Variants in EHBP1 observed in about 807,000 individuals in gnomAD.
EHBP1 encodes EH domain-binding protein 1.
In EHBP1, 55 loss-of-function variants were observed where a neutral mutation model predicts 144.0. That is an observed-to-expected ratio of 0.38 (90% confidence interval 0.31 to 0.48). EHBP1 has a LOEUF of 0.48. EHBP1 is among the 20% of genes least tolerant of loss of function. The pLI, the probability that EHBP1 is intolerant of heterozygous loss-of-function variation, is 0.98. For missense variants in EHBP1, 1,200 were observed against 1,364.2 expected (o/e 0.88, Z 1.90); for synonymous variants, 469 against 472.7 (o/e 0.99, Z 0.10).
intron 10 of EHBP1, among the ~76,000 whole-genome samples, chr2:62,905,941 T>C (rs894992519): frequency 6.6e-6 from 1 of 152,134 alleles, no homozygotes; most frequent in African/African-American, 2.4e-5. Flanking sequence ...ACAGTGGTGA[T>C]AGTAGAGATG....
intron 5 of EHBP1, among the ~76,000 whole-genome samples, chr2:62,776,456 G>A (rs1187614270): frequency 6.6e-6 from 1 of 152,146 alleles, no homozygotes; most frequent in Admixed American, 6.6e-5. Flanking sequence ...TTTTTATAAT[G>A]TTCCTTTCTA....
At chr2:62,842,736 A>G (rs1485921071) in intron 7 of EHBP1, among the ~76,000 whole-genome samples, 3 of 152,180 alleles carry the variant, frequency 2.0e-5, no homozygotes, top group Non-Finnish European at 4.4e-5. Flanking sequence ...ATGGTGTATT[A>G]TTTATAGATG....
chr2:62,782,559 TCA>T, intron 5 of EHBP1, among the ~76,000 whole-genome samples: 1 of 152,090 alleles, frequency 6.6e-6, no homozygotes. Flanking sequence ...TGGGGAGGCC[TCA>T]GGAAACTTAC....
chr2:62,817,460 A>G (rs989844719), intron 5 of EHBP1, among the ~76,000 whole-genome samples: 1 of 152,204 alleles, frequency 6.6e-6, no homozygotes, highest in African/African-American at 2.4e-5. Context: ...TGGGGCAGAA[A>G]AAAAGATGGA....
chr2:62,737,070 T>C (rs2038207593), intron 2 of EHBP1, among the ~76,000 whole-genome samples: 1 of 152,116 alleles, frequency 6.6e-6, no homozygotes. Flanking sequence ...AAGTGCTTTG[T>C]TTAGCGCTTA....
intron 10 of EHBP1, among the ~76,000 whole-genome samples, chr2:62,906,419 G>A (rs532891615): frequency 2.6e-5 from 4 of 152,096 alleles, no homozygotes; most frequent in South Asian, 4.2e-4. Flanking sequence ...AAGTTATCTT[G>A]GCTATTTTAG....
At chr2:63,006,567 A>G (rs2060044333) in intron 19 of EHBP1, among the ~76,000 whole-genome samples, 1 of 151,946 alleles carries the variant, frequency 6.6e-6, no homozygotes, top group Non-Finnish European at 1.5e-5. Flanking sequence ...CTTAAACGTG[A>G]TATATTTTTT....
intron 21 of EHBP1, among the ~76,000 whole-genome samples, chr2:63,040,000 C>T (rs2061593095): frequency 1.3e-5 from 2 of 151,906 alleles, no homozygotes; most frequent in Non-Finnish European, 2.9e-5. Flanking sequence ...TTAAGAAGTT[C>T]TGTGAAACGT....
At chr2:62,819,549 G>A (rs551207641) in intron 5 of EHBP1, among the ~76,000 whole-genome samples, 1 of 151,948 alleles carries the variant, frequency 6.6e-6, no homozygotes, top group South Asian at 2.1e-4. Context: ...TGAGGTTGGG[G>A]GTGTGGGAGT....
At chr2:62,827,261 G>A (rs1456684415) in intron 6 of EHBP1, among the ~76,000 whole-genome samples, 2 of 152,192 alleles carry the variant, frequency 1.3e-5, no homozygotes, top group African/African-American at 2.4e-5. Context: ...AGCCAGTGTG[G>A]TAGAGAGACA....
intron 6 of EHBP1, among the ~76,000 whole-genome samples, chr2:62,828,377 T>C (rs2046498800): frequency 4.6e-5 from 7 of 152,212 alleles, no homozygotes; most frequent in Admixed American, 4.6e-4. Context: ...ATAAATGATT[T>C]GACTTTGAGT....
intron 4 of EHBP1, among the ~76,000 whole-genome samples, chr2:62,770,268 T>G (rs2152352386): frequency 1.3e-5 from 2 of 152,250 alleles, no homozygotes; most frequent in South Asian, 2.1e-4. Context: ...AAACTGTGCA[T>G]CTGACAAAGG....
At chr2:62,852,071 T>A (rs2048724515) in intron 7 of EHBP1, among the ~76,000 whole-genome samples, 2 of 152,280 alleles carry the variant, frequency 1.3e-5, no homozygotes, top group African/African-American at 4.8e-5. Flanking sequence ...ACAATATTAA[T>A]GTTTTGAAGG....
chr2:62,804,767 G>A (rs557549203), intron 5 of EHBP1, among the ~76,000 whole-genome samples: 1 of 152,156 alleles, frequency 6.6e-6, no homozygotes, highest in Non-Finnish European at 1.5e-5. Flanking sequence ...GGAGGTGAGT[G>A]GTGGGCAAGC....
intron 5 of EHBP1, among the ~76,000 whole-genome samples, chr2:62,788,754 A>G (rs544934979): frequency 3.9e-5 from 6 of 152,296 alleles, no homozygotes; most frequent in Admixed American, 2.6e-4. Flanking sequence ...ACAGAAACCT[A>G]TATTTAATTT....
At chr2:62,834,582 T>TA (rs1376211181) in intron 7 of EHBP1, among the ~76,000 whole-genome samples, 2 of 152,244 alleles carry the variant, frequency 1.3e-5, no homozygotes, top group Admixed American at 6.5e-5. Context: ...GACTATAGTA[T>TA]AAACGTAACT....
chr2:62,971,248 A>C (rs771258255), intron 14 of EHBP1, among the ~76,000 whole-genome samples: 2 of 152,210 alleles, frequency 1.3e-5, no homozygotes, highest in Non-Finnish European at 2.9e-5. Flanking sequence ...TTGCACCATA[A>C]CAGGACTTTT....
chr2:63,015,088 T>C (rs936585365), intron 19 of EHBP1, among the ~76,000 whole-genome samples: 10 of 152,244 alleles, frequency 6.6e-5, no homozygotes, highest in African/African-American at 2.2e-4. Flanking sequence ...GAATTTTATA[T>C]GAGGAAAAAT....
chr2:62,684,465 A>G (rs1303650921), intron 1 of EHBP1, among the ~76,000 whole-genome samples: 1 of 152,216 alleles, frequency 6.6e-6, no homozygotes, highest in African/African-American at 2.4e-5. Flanking sequence ...GAAGGGAAAA[A>G]GCCAAAGTGG....
Sources: gnomAD v4.1 joint callset for allele counts (sites outside exome capture counted in the v4.1 genomes callset) on GRCh38, gnomAD v4.1.1 for gene constraint, MANE v1.5 for transcripts, NCBI Gene and HGNC (gene_info 2026-07-23, HGNC 2026-07-21) for gene names.